LCLAT1: variants seen among roughly 807,000 people sequenced by gnomAD.
LCLAT1 encodes the protein lysocardiolipin acyltransferase 1, also known as 1-AGP acyltransferase 8.
In LCLAT1, 11 loss-of-function variants were observed where a neutral mutation model predicts 30.7. The observed-to-expected ratio is 0.36, with a 90% confidence interval of 0.23 to 0.59. The LOEUF is 0.59. LCLAT1 is among the 20% of genes least tolerant of loss of function. The pLI, the probability that LCLAT1 is intolerant of heterozygous loss-of-function variation, is 0.77. For missense variants in LCLAT1, 402 were observed against 458.6 expected, an observed-to-expected ratio of 0.88 and a Z score of 1.13; for synonymous variants, 155 against 151.3, an observed-to-expected ratio of 1.02 and a Z score of -0.18.
intron 5 of LCLAT1, among the ~76,000 whole-genome samples, chr2:30,580,632 A>T (rs2148465554): frequency 6.6e-6 from 1 of 152,260 alleles, no homozygotes; most frequent in African/African-American, 2.4e-5. Context: ...TAGCATTTTT[A>T]AATGCTGAGA....
chr2:30,563,417 G>T (rs1189545615), intron 4 of LCLAT1, among the ~76,000 whole-genome samples: 1 of 152,182 alleles, frequency 6.6e-6, no homozygotes. Context: ...AGGGGTGATG[G>T]TGGGGGCATA....
At chr2:30,616,774 C>T (rs548106254) in intron 5 of LCLAT1, among the ~76,000 whole-genome samples, 13 of 151,328 alleles carry the variant, frequency 8.6e-5, no homozygotes, top group Non-Finnish European at 1.5e-4. Context: ...AAAAGCTTGT[C>T]GGATATGTTA....
chr2:30,608,772 T>A (rs572506187), intron 5 of LCLAT1, among the ~76,000 whole-genome samples: 203 of 152,142 alleles, frequency 1.3e-3, no homozygotes, highest in Non-Finnish European at 2.6e-3. Context: ...GACAAAAAAA[T>A]TGCCTAAAGA....
intron 5 of LCLAT1, among the ~76,000 whole-genome samples, chr2:30,593,310 G>A (rs943379850): frequency 4.7e-5 from 7 of 148,816 alleles, no homozygotes; most frequent in East Asian, 2.0e-4. Flanking sequence ...CCATTCATCC[G>A]TTGATAGACA....
intron 5 of LCLAT1, among the ~76,000 whole-genome samples, chr2:30,624,752 C>T (rs917221558): frequency 6.6e-6 from 1 of 152,134 alleles, no homozygotes; most frequent in African/African-American, 2.4e-5. Flanking sequence ...TTAAATTATA[C>T]CCTAGAACAA....
At chr2:30,551,491 A>G (rs1238731909) in intron 3 of LCLAT1, among the ~76,000 whole-genome samples, 1 of 152,170 alleles carries the variant, frequency 6.6e-6, no homozygotes. Context: ...GAATGATGTG[A>G]GAAACTAAAA....
intron 1 of LCLAT1, among the ~76,000 whole-genome samples, chr2:30,510,722 G>A (rs1252262498): frequency 2.0e-5 from 3 of 152,054 alleles, no homozygotes; most frequent in Non-Finnish European, 4.4e-5. Flanking sequence ...ATGGGACCTC[G>A]TGTCTTGGCC....
intron 5 of LCLAT1, among the ~76,000 whole-genome samples, chr2:30,568,437 G>A (rs1417003357): frequency 3.4e-5 from 5 of 149,128 alleles, no homozygotes; most frequent in African/African-American, 1.2e-4. Context: ...ATATATGTTT[G>A]TATATAGAGA....
chr2:30,632,522 A>G (rs1276221781), intron 5 of LCLAT1, among the ~76,000 whole-genome samples: 4 of 152,250 alleles, frequency 2.6e-5, no homozygotes, highest in Non-Finnish European at 4.4e-5. Flanking sequence ...ATCATGCCCT[A>G]TAACAGACTT....
At chr2:30,497,522 T>G (rs1684177839) in intron 1 of LCLAT1, among the ~76,000 whole-genome samples, 1 of 152,218 alleles carries the variant, frequency 6.6e-6, no homozygotes, top group African/African-American at 2.4e-5. Context: ...GTAAATAATT[T>G]TTGTTTTAAA....
intron 1 of LCLAT1, among the ~76,000 whole-genome samples, chr2:30,517,908 A>G (rs1009044167): frequency 6.6e-6 from 1 of 152,214 alleles, no homozygotes; most frequent in Non-Finnish European, 1.5e-5. Context: ...CCTTGTTATC[A>G]GTGTAAACAA....
intron 1 of LCLAT1, among the ~76,000 whole-genome samples, chr2:30,457,110 C>A (rs79477106): frequency 4.7e-4 from 72 of 152,192 alleles, no homozygotes; most frequent in African/African-American, 1.7e-3. Context: ...AGAGGTTTGA[C>A]AGTATAGTGA....
At chr2:30,483,867 A>G (rs1251709500) in intron 1 of LCLAT1, among the ~76,000 whole-genome samples, 1 of 152,224 alleles carries the variant, frequency 6.6e-6, no homozygotes, top group Non-Finnish European at 1.5e-5. Context: ...AACAGGAATT[A>G]GGAGACCTGA....
intron 5 of LCLAT1, among the ~76,000 whole-genome samples, chr2:30,593,381 C>G (rs1014484403): frequency 6.6e-6 from 1 of 152,138 alleles, no homozygotes; most frequent in Admixed American, 6.5e-5. Flanking sequence ...AGAGTGCAGT[C>G]ATCTCTTTGA....
chr2:30,558,926 T>G (rs1013923874), intron 3 of LCLAT1, among the ~76,000 whole-genome samples: 1 of 152,134 alleles, frequency 6.6e-6, no homozygotes, highest in Admixed American at 6.6e-5. Context: ...TTAACTTTAT[T>G]CCTAATATAC....
intron 5 of LCLAT1, among the ~76,000 whole-genome samples, chr2:30,595,893 A>C (rs1260478965): frequency 6.6e-6 from 1 of 151,992 alleles, no homozygotes; most frequent in African/African-American, 2.4e-5. Flanking sequence ...GAGAACATGT[A>C]GTGTTTTCTG....
intron 1 of LCLAT1, chr2:30,476,609 A>G: frequency 2.3e-6 from 1 of 441,358 alleles, no homozygotes. Context: ...AAACAAGCTC[A>G]GAACGCTCGC....
At chr2:30,475,775 T>C (rs1269391591) in intron 1 of LCLAT1, among the ~76,000 whole-genome samples, 1 of 152,340 alleles carries the variant, frequency 6.6e-6, no homozygotes, top group East Asian at 1.9e-4. Flanking sequence ...TTCAGAAATA[T>C]TTTGAGAAGC....
chr2:30,556,517 A>C (rs1402285083), intron 3 of LCLAT1, among the ~76,000 whole-genome samples: 1 of 99,298 alleles, frequency 1.0e-5, no homozygotes, highest in Non-Finnish European at 2.6e-5. Context: ...ATGAGCTATC[A>C]GGAAAAGAAA....
Sources: allele counts gnomAD v4.1 joint callset (sites outside exome capture counted in the v4.1 genomes callset), GRCh38; gene constraint gnomAD v4.1.1; transcripts MANE v1.5; gene names NCBI Gene and HGNC (gene_info 2026-07-23, HGNC 2026-07-21).